Variants in RIT2 observed in about 807,000 individuals in gnomAD.
RIT2 encodes the protein Ras like without CAAX 2.
Under a neutral mutation model 23.7 loss-of-function variants are expected in RIT2, and 24 were observed. The observed-to-expected ratio is 1.01, with a 90% CI of 0.73 to 1.43. The LOEUF is 1.43. Ranked by LOEUF, RIT2 falls within the 40% of genes most tolerant of loss-of-function variation. The pLI is 0.00. For synonymous variants in RIT2, 107 were observed against 91.1 expected (o/e 1.17, Z -0.99); for missense variants, 236 against 266.9 (o/e 0.88, Z 0.81).
chr18:43,114,489 C>A (rs1428892736), intron 1 of RIT2, among the ~76,000 whole-genome samples: 2 of 152,036 alleles, frequency 1.3e-5, no homozygotes, highest in Non-Finnish European at 2.9e-5. Flanking sequence ...TGTTTTGATG[C>A]TTTTTGTCCA....
chr18:42,785,253 C>T (rs1403037315), intron 4 of RIT2, among the ~76,000 whole-genome samples: 1 of 152,034 alleles, frequency 6.6e-6, no homozygotes, highest in African/African-American at 2.4e-5. Flanking sequence ...TCTCAAGTTT[C>T]ATTTGCATAA....
At chr18:42,963,386 G>A (rs1022057773) in intron 3 of RIT2, among the ~76,000 whole-genome samples, 8 of 152,134 alleles carry the variant, frequency 5.3e-5, no homozygotes, top group Non-Finnish European at 8.8e-5. Flanking sequence ...AATCCATGAG[G>A]GGTCAAGACA....
intron 3 of RIT2, among the ~76,000 whole-genome samples, chr18:42,938,287 G>T (rs1909511917): frequency 6.6e-6 from 1 of 152,208 alleles, no homozygotes; most frequent in African/African-American, 2.4e-5. Context: ...AGAAAGCCTG[G>T]TGGTAGAAAT....
intron 4 of RIT2, among the ~76,000 whole-genome samples, chr18:42,832,237 C>T (rs1394514393): frequency 6.6e-6 from 1 of 152,118 alleles, no homozygotes; most frequent in Non-Finnish European, 1.5e-5. Flanking sequence ...AGTATTTGGT[C>T]AGAGTTAAAA....
chr18:42,838,804 A>T (rs1322487032), intron 4 of RIT2, among the ~76,000 whole-genome samples: 1 of 152,250 alleles, frequency 6.6e-6, no homozygotes, highest in Non-Finnish European at 1.5e-5. Flanking sequence ...AGTCCGGATT[A>T]GGCACTAGAA....
At chr18:42,910,789 CA>C (rs1908749998) in intron 4 of RIT2, among the ~76,000 whole-genome samples, 1 of 151,948 alleles carries the variant, frequency 6.6e-6, no homozygotes, top group African/African-American at 2.4e-5. Flanking sequence ...GTGTTTGGAC[CA>C]AACAACGGAA....
At chr18:42,796,198 A>T (rs1176215362) in intron 4 of RIT2, among the ~76,000 whole-genome samples, 4 of 151,844 alleles carry the variant, frequency 2.6e-5, no homozygotes, top group Admixed American at 6.6e-5. Context: ...CTGCAGCTTC[A>T]CTCCTGAAGC....
intron 4 of RIT2, among the ~76,000 whole-genome samples, chr18:42,845,701 T>C (rs1906889061): frequency 6.6e-6 from 1 of 150,650 alleles, no homozygotes; most frequent in African/African-American, 2.4e-5. Context: ...AATTATAGAG[T>C]ATATTGTCTC....
chr18:42,891,719 C>T (rs929395367), intron 4 of RIT2, among the ~76,000 whole-genome samples: 3 of 152,096 alleles, frequency 2.0e-5, no homozygotes, highest in South Asian at 2.1e-4. Flanking sequence ...TGAAAAGTGC[C>T]GTGGTTGCTA....
chr18:42,746,111 C>T (rs755615290), intron 4 of RIT2, among the ~76,000 whole-genome samples: 53 of 151,938 alleles, frequency 3.5e-4, no homozygotes, highest in Admixed American at 6.6e-4. Context: ...CTAAGAGAGC[C>T]CTTCTTATCT....
chr18:42,767,518 C>A (rs374373276), intron 4 of RIT2, among the ~76,000 whole-genome samples: 1 of 152,160 alleles, frequency 6.6e-6, no homozygotes. Flanking sequence ...TTTACAGGCT[C>A]ATAGGCTGAA....
chr18:42,809,312 C>T (rs1439089861), intron 4 of RIT2, among the ~76,000 whole-genome samples: 1 of 152,094 alleles, frequency 6.6e-6, no homozygotes, highest in African/African-American at 2.4e-5. Flanking sequence ...TAAATTCAAG[C>T]TTCCTAAATC....
At chr18:42,951,694 C>T (rs1171206393) in intron 3 of RIT2, among the ~76,000 whole-genome samples, 1 of 152,162 alleles carries the variant, frequency 6.6e-6, no homozygotes, top group Non-Finnish European at 1.5e-5. Flanking sequence ...GATATTTGCA[C>T]TCCCATATTC....
chr18:42,782,661 A>C (rs563863350), intron 4 of RIT2, among the ~76,000 whole-genome samples: 1 of 152,254 alleles, frequency 6.6e-6, no homozygotes, highest in African/African-American at 2.4e-5. Flanking sequence ...AAAATATTGT[A>C]AGAATTCTGC....
intron 1 of RIT2, among the ~76,000 whole-genome samples, chr18:43,088,717 C>T (rs1381016256): frequency 2.6e-5 from 4 of 152,052 alleles, no homozygotes; most frequent in African/African-American, 7.2e-5. Flanking sequence ...TTTTCATGGC[C>T]TCCATTCCAC....
intron 4 of RIT2, among the ~76,000 whole-genome samples, chr18:42,772,462 C>T (rs1031535323): frequency 2.6e-5 from 4 of 151,892 alleles, no homozygotes; most frequent in Admixed American, 2.6e-4. Context: ...TTCTCAAGCA[C>T]ATAAATCCAA....
At chr18:42,942,776 G>A (rs1909635347) in intron 3 of RIT2, among the ~76,000 whole-genome samples, 1 of 152,016 alleles carries the variant, frequency 6.6e-6, no homozygotes, top group Non-Finnish European at 1.5e-5. Context: ...GATAGGAAAA[G>A]GAGTAAATGA....
rs1405439107 is a variant in RIT2 at position 42,814,900 on chromosome 18, TG to T, written c.427-71181del. 3.9e-5 allele frequency among the ~76,000 whole-genome samples: 6 copies of T among 152,206 alleles called. No individual in the cohort carries two copies. In the East Asian group the frequency reaches 1.2e-3, roughly 29 times the overall value. ...CCTGGAGCCTGGTAGACGTGCTGGGTGGCTAGATCCAGAAGAGAGATAATGA... is the reference window on the plus strand; with the variant it reads ...CCTGGAGCCTGGTAGACGTGCTGGGTGCTAGATCCAGAAGAGAGATAATGA... On this transcript the variant is annotated intron_variant, in intron 4 of 4. Transcript: ENST00000326695.
intron 2 of RIT2, among the ~76,000 whole-genome samples, chr18:43,027,923 T>A (rs927868762): frequency 1.3e-5 from 2 of 152,030 alleles, no homozygotes; most frequent in African/African-American, 4.8e-5. Context: ...GGGAAAAAAA[T>A]GTCACTGAAG....
Sources: gnomAD v4.1 joint callset for allele counts (sites outside exome capture counted in the v4.1 genomes callset) on GRCh38, gnomAD v4.1.1 for gene constraint, MANE v1.5 for transcripts, NCBI Gene and HGNC (gene_info 2026-07-23, HGNC 2026-07-21) for gene names.